The following STAG1 variants were observed in gnomAD, a reference collection of about 807,000 sequenced individuals.
The protein encoded by STAG1 is cohesin subunit SA-1.
In STAG1, 26 loss-of-function variants were observed where a neutral mutation model predicts 170.9. That is an observed-to-expected ratio of 0.15 (90% confidence interval 0.11 to 0.21). The LOEUF is 0.21. Ranked by LOEUF, STAG1 falls within the 10% of genes least tolerant of loss-of-function variation. STAG1 has a pLI of 1.00. For missense variants in STAG1, 964 were observed against 1,509.5 expected (o/e 0.64, Z 5.99); for synonymous variants, 514 against 497.7 (o/e 1.03, Z -0.44).
chr3:136,534,000 C>T (rs1278245329), intron 6 of STAG1, among the ~76,000 whole-genome samples: 1 of 152,146 alleles, frequency 6.6e-6, no homozygotes, highest in Non-Finnish European at 1.5e-5. Flanking sequence ...AGCCTGACTT[C>T]AAATTATATT....
chr3:136,606,392 T>A (rs1034838129), intron 3 of STAG1, among the ~76,000 whole-genome samples: 1 of 152,168 alleles, frequency 6.6e-6, no homozygotes, highest in East Asian at 1.9e-4. Context: ...TTTCGCCATG[T>A]TGGCCATGCT....
chr3:136,500,373 C>A, intron 8 of STAG1, 77 bp from the exon 9 acceptor site: 4 of 1,006,650 alleles, frequency 4.0e-6, no homozygotes, highest in Middle Eastern at 4.3e-4. Context: ...GTTTTTAATT[C>A]CTGGTTATTT....
chr3:136,522,408 G>A (rs1434645298), intron 6 of STAG1, among the ~76,000 whole-genome samples: 3 of 152,072 alleles, frequency 2.0e-5, no homozygotes, highest in African/African-American at 7.2e-5. Flanking sequence ...TACATGACGG[G>A]GAGTGTGAGT....
intron 1 of STAG1, among the ~76,000 whole-genome samples, chr3:136,714,994 TATATATATA>T (rs1943496887): frequency 9.0e-6 from 1 of 111,568 alleles, no homozygotes; most frequent in Non-Finnish European, 2.0e-5. Flanking sequence ...ATATATATTT[TATATATATA>T]ATATATATAT....
intron 6 of STAG1, among the ~76,000 whole-genome samples, chr3:136,526,311 A>C (rs1935024730): frequency 6.6e-6 from 1 of 152,174 alleles, no homozygotes; most frequent in African/African-American, 2.4e-5. Context: ...TAGGATAGTT[A>C]GCTCTTCTTG....
intron 1 of STAG1, among the ~76,000 whole-genome samples, chr3:136,676,060 C>A (rs1942120826): frequency 6.6e-6 from 1 of 152,192 alleles, no homozygotes; most frequent in East Asian, 1.9e-4. Context: ...ACACTGCAGG[C>A]AACTGCAACA....
intron 3 of STAG1, among the ~76,000 whole-genome samples, chr3:136,617,864 A>G (rs1023046479): frequency 6.6e-6 from 1 of 152,230 alleles, no homozygotes; most frequent in African/African-American, 2.4e-5. Context: ...GAATTTGAAT[A>G]TTATGAAATT....
intron 7 of STAG1, among the ~76,000 whole-genome samples, chr3:136,513,739 A>G (rs978388271): frequency 2.0e-5 from 3 of 152,314 alleles, no homozygotes; most frequent in South Asian, 2.1e-4. Flanking sequence ...TCTCAAATAC[A>G]TATTTCCCAA....
At chr3:136,665,785 A>AC (rs1279729472) in intron 1 of STAG1, among the ~76,000 whole-genome samples, 2 of 137,480 alleles carry the variant, frequency 1.5e-5, no homozygotes, top group African/African-American at 5.5e-5. Context: ...GTCTCAAAAA[A>AC]AAAAAAAAGG....
At chr3:136,731,418 T>C (rs1934034182) in intron 1 of STAG1, among the ~76,000 whole-genome samples, 1 of 152,176 alleles carries the variant, frequency 6.6e-6, no homozygotes, top group Non-Finnish European at 1.5e-5. Flanking sequence ...AAAATCTGGA[T>C]TTCAGCCTTC....
At chr3:136,539,777 A>T (rs1001505177) in intron 6 of STAG1, among the ~76,000 whole-genome samples, 2 of 152,314 alleles carry the variant, frequency 1.3e-5, no homozygotes, top group East Asian at 1.9e-4. Flanking sequence ...TAGGTATTTT[A>T]AAAAGATTAT....
At chr3:136,631,918 C>T (rs1332134231) in intron 1 of STAG1, among the ~76,000 whole-genome samples, 1 of 152,010 alleles carries the variant, frequency 6.6e-6, no homozygotes, top group Non-Finnish European at 1.5e-5. Flanking sequence ...GATATCAAAA[C>T]AGATGTAAGA....
intron 3 of STAG1, among the ~76,000 whole-genome samples, chr3:136,605,017 C>T (rs1213244455): frequency 1.3e-5 from 2 of 151,990 alleles, no homozygotes; most frequent in Non-Finnish European, 2.9e-5. Flanking sequence ...TTAACCTTGC[C>T]CCTTCTTGAC....
intron 1 of STAG1, among the ~76,000 whole-genome samples, chr3:136,645,821 C>T (rs1397581046): frequency 3.3e-5 from 5 of 152,182 alleles, no homozygotes; most frequent in Non-Finnish European, 5.9e-5. Context: ...TTATCAGTGC[C>T]ATCTACTCAC....
intron 28 of STAG1, among the ~76,000 whole-genome samples, chr3:136,355,351 TAAAAAAAA>T (rs370605205): frequency 7.3e-4 from 22 of 29,994 alleles, no homozygotes; most frequent in African/African-American, 3.0e-3. Flanking sequence ...GACTCCATCT[TAAAAAAAA>T]AAAAAAAAAA....
At chr3:136,433,472 A>G (rs1218961583) in intron 16 of STAG1, 84 bp downstream of exon 16, 1 of 943,658 alleles carries the variant, frequency 1.1e-6, no homozygotes, top group East Asian at 2.5e-5. Flanking sequence ...TTAGGGATAC[A>G]AATATCAGTA....
At chr3:136,564,973 G>T (rs930842673) in intron 5 of STAG1, among the ~76,000 whole-genome samples, 5 of 66,658 alleles carry the variant, frequency 7.5e-5, no homozygotes, top group Non-Finnish European at 1.1e-4. Context: ...GAGGAAGGAA[G>T]GAAGGAAGGA....
intron 1 of STAG1, among the ~76,000 whole-genome samples, chr3:136,685,788 T>C (rs1011052261): frequency 6.6e-6 from 1 of 152,180 alleles, no homozygotes; most frequent in Non-Finnish European, 1.5e-5. Context: ...GGGGGACTAG[T>C]ATGCCGAGTA....
intron 13 of STAG1, among the ~76,000 whole-genome samples, chr3:136,463,733 A>G (rs867886053): frequency 1.5e-3 from 63 of 42,406 alleles, no homozygotes; most frequent in African/African-American, 4.9e-3. Flanking sequence ...AAAAATGTGT[A>G]TATGTGTGTG....
Sources: allele counts gnomAD v4.1 joint callset (sites outside exome capture counted in the v4.1 genomes callset), GRCh38; gene constraint gnomAD v4.1.1; transcripts MANE v1.5; gene names NCBI Gene and HGNC (gene_info 2026-07-23, HGNC 2026-07-21).